PDE7B: variants seen among roughly 807,000 people sequenced by gnomAD.
PDE7B encodes the protein phosphodiesterase 7B, also known as 3',5'-cyclic-AMP phosphodiesterase 7B.
In PDE7B, 29 loss-of-function variants were observed where a neutral mutation model predicts 56.2. That is an observed-to-expected ratio of 0.52 (90% CI 0.38 to 0.70). PDE7B has a LOEUF of 0.70. Among genes scored for constraint, PDE7B ranks in the 30% least tolerant of loss-of-function variants. PDE7B has a pLI of 0.00. For synonymous variants in PDE7B, 197 were observed against 196.9 expected (o/e 1.00, Z 0.00); for missense variants, 490 against 565.0 (o/e 0.87, Z 1.35).
intron 1 of PDE7B, among the ~76,000 whole-genome samples, chr6:135,943,688 C>T (rs75705302): frequency 0.085 from 12,903 of 152,148 alleles, 1,149 homozygotes; most frequent in African/African-American, 0.23. Flanking sequence ...ATAATGTGGG[C>T]ACAAATGTTA....
At chr6:136,103,348 C>G (rs1777595323) in intron 2 of PDE7B, among the ~76,000 whole-genome samples, 1 of 152,200 alleles carries the variant, frequency 6.6e-6, no homozygotes, top group South Asian at 2.1e-4. Context: ...CTTGTGCTAT[C>G]CCATAAATCT....
chr6:136,063,972 C>T (rs1172558257), intron 2 of PDE7B, among the ~76,000 whole-genome samples: 1 of 151,758 alleles, frequency 6.6e-6, no homozygotes, highest in Admixed American at 6.6e-5. Context: ...AAGGTAGCTT[C>T]TCATTAAAGT....
At chr6:136,041,100 T>C (rs1227013391) in intron 2 of PDE7B, among the ~76,000 whole-genome samples, 1 of 152,236 alleles carries the variant, frequency 6.6e-6, no homozygotes, top group Non-Finnish European at 1.5e-5. Flanking sequence ...TTTTAAACCA[T>C]GAAATTGCAG....
At chr6:135,943,436 G>T (rs1425332651) in intron 1 of PDE7B, among the ~76,000 whole-genome samples, 1 of 152,064 alleles carries the variant, frequency 6.6e-6, no homozygotes, top group Non-Finnish European at 1.5e-5. Flanking sequence ...TGAGAGAAGG[G>T]GATAAAAGTA....
intron 1 of PDE7B, among the ~76,000 whole-genome samples, chr6:135,933,590 G>A (rs1034736856): frequency 1.3e-5 from 2 of 152,066 alleles, no homozygotes. Flanking sequence ...CTATTATTGT[G>A]TTCAATTTAT....
Position 135,986,436 on chromosome 6 carries a change from A to T in PDE7B, c.82+38912A>T, listed in dbSNP as rs554434538. Reference sequence around the variant, plus strand: ...TAGCCATGCAATTAAGCAAGATTTTAAAAAACTGCATTCTAAGGAGACTCA... The same window carrying T: ...TAGCCATGCAATTAAGCAAGATTTTTAAAAACTGCATTCTAAGGAGACTCA... On this transcript the variant is annotated intron_variant, in intron 2 of 12. Transcript: ENST00000308191. Among the ~76,000 whole-genome samples the T allele has an allele frequency of 2.6e-5, 4 of 152,372 alleles. No homozygotes were observed. In the South Asian group the frequency reaches 6.2e-4, roughly 24 times the overall value.
intron 1 of PDE7B, among the ~76,000 whole-genome samples, chr6:135,865,856 CA>C (rs1583715924): frequency 1.3e-5 from 2 of 152,192 alleles, no homozygotes; most frequent in East Asian, 3.9e-4. Context: ...TGCAGCTATT[CA>C]TTTTTATCTA....
chr6:135,978,575 A>T (rs1045487823), intron 2 of PDE7B, among the ~76,000 whole-genome samples: 1 of 152,062 alleles, frequency 6.6e-6, no homozygotes, highest in Admixed American at 6.6e-5. Flanking sequence ...CTCTTATAAT[A>T]CTTTTTTACT....
intron 3 of PDE7B, among the ~76,000 whole-genome samples, chr6:136,136,380 T>G (rs1425435178): frequency 1.3e-5 from 2 of 152,026 alleles, no homozygotes; most frequent in Non-Finnish European, 2.9e-5. Flanking sequence ...CAAAGAAAAT[T>G]TAACAGAAAT....
chr6:135,984,511 A>G (rs1775345934), intron 2 of PDE7B, among the ~76,000 whole-genome samples: 3 of 152,156 alleles, frequency 2.0e-5, no homozygotes, highest in Non-Finnish European at 4.4e-5. Context: ...TAATTTACCA[A>G]TTAAAGGAGT....
intron 9 of PDE7B, among the ~76,000 whole-genome samples, chr6:136,175,595 G>A (rs1251467610): frequency 1.3e-5 from 2 of 151,910 alleles, no homozygotes; most frequent in Admixed American, 6.6e-5. Context: ...TATATTTGGG[G>A]AACTTATTTT....
At chr6:135,876,605 T>A (rs1775497468) in intron 1 of PDE7B, among the ~76,000 whole-genome samples, 1 of 152,152 alleles carries the variant, frequency 6.6e-6, no homozygotes, top group Non-Finnish European at 1.5e-5. Flanking sequence ...AAGCCTGTAA[T>A]CCCAGCACTT....
intron 1 of PDE7B, among the ~76,000 whole-genome samples, chr6:135,912,359 C>T (rs544521626): frequency 2.1e-4 from 32 of 152,150 alleles, no homozygotes; most frequent in South Asian, 6.2e-4. Flanking sequence ...ACATACATAG[C>T]GTAGCATTTA....
At chr6:135,882,324 T>C (rs570243762) in intron 1 of PDE7B, among the ~76,000 whole-genome samples, 11 of 152,304 alleles carry the variant, frequency 7.2e-5, no homozygotes, top group African/African-American at 2.6e-4. Context: ...ATGAACCTCA[T>C]GTAAAAAAAT....
intron 1 of PDE7B, among the ~76,000 whole-genome samples, chr6:135,932,672 C>A (rs1234174904): frequency 6.6e-6 from 1 of 152,178 alleles, no homozygotes; most frequent in Non-Finnish European, 1.5e-5. Flanking sequence ...AGAAAGTTTT[C>A]TTCACATTCC....
At chr6:136,037,756 G>A (rs1438879524) in intron 2 of PDE7B, 9 of 985,364 alleles carry the variant, frequency 9.1e-6, no homozygotes, top group Non-Finnish European at 1.1e-5. Context: ...CCGCTTCTTT[G>A]CCTGAAGTCC....
intron 9 of PDE7B, among the ~76,000 whole-genome samples, chr6:136,174,436 C>A (rs1008171705): frequency 6.6e-6 from 1 of 152,080 alleles, no homozygotes; most frequent in African/African-American, 2.4e-5. Context: ...GAAGGGGAGA[C>A]ACTCATTTTC....
At chr6:135,955,780 C>T (rs1275242970) in intron 2 of PDE7B, among the ~76,000 whole-genome samples, 1 of 152,104 alleles carries the variant, frequency 6.6e-6, no homozygotes, top group Non-Finnish European at 1.5e-5. Context: ...GTGCAAAATA[C>T]AGGAAACTTT....
intron 1 of PDE7B, among the ~76,000 whole-genome samples, chr6:135,861,762 T>C (rs541080798): frequency 6.6e-6 from 1 of 151,906 alleles, no homozygotes; most frequent in African/African-American, 2.4e-5. Context: ...AAACATAATG[T>C]ATCCTTCTAT....
Sources: gnomAD v4.1 joint callset for allele counts (sites outside exome capture counted in the v4.1 genomes callset) on GRCh38, gnomAD v4.1.1 for gene constraint, MANE v1.5 for transcripts, NCBI Gene and HGNC (gene_info 2026-07-23, HGNC 2026-07-21) for gene names.